Variants in PSD3 observed in about 807,000 individuals in gnomAD.
PSD3 encodes PH and SEC7 domain-containing protein 3.
PSD3 carries 49 observed loss-of-function variants against 105.5 expected under a neutral mutation model. The observed-to-expected ratio is 0.46, with a 90% CI of 0.37 to 0.59. The LOEUF is 0.59. Among genes scored for constraint, PSD3 ranks in the 20% least tolerant of loss-of-function variants. The pLI, the probability that PSD3 is intolerant of heterozygous loss-of-function variation, is 0.00. For missense variants in PSD3, 1,561 were observed against 1,263.8 expected (o/e 1.24, Z -3.57); for synonymous variants, 557 against 457.8 (o/e 1.22, Z -2.77).
intron 8 of PSD3, among the ~76,000 whole-genome samples, chr8:18,781,140 G>A (rs943217633): frequency 5.3e-5 from 8 of 151,992 alleles, no homozygotes; most frequent in South Asian, 2.1e-4. Context: ...CATCCACCAC[G>A]TTGATTTCTT....
chr8:18,947,855 G>A (rs780726291), intron 1 of PSD3, among the ~76,000 whole-genome samples: 1 of 152,080 alleles, frequency 6.6e-6, no homozygotes, highest in South Asian at 2.1e-4. Flanking sequence ...TAGAAAGCTG[G>A]GAGCTAGAAA....
intron 12 of PSD3, among the ~76,000 whole-genome samples, chr8:18,595,446 G>GAT (rs1046429877): frequency 4.6e-5 from 7 of 150,908 alleles, no homozygotes; most frequent in African/African-American, 1.5e-4. Context: ...TATTGAGAGA[G>GAT]AGAGAGACAG....
intron 1 of PSD3, among the ~76,000 whole-genome samples, chr8:19,026,550 G>T (rs1474069845): frequency 6.6e-6 from 1 of 151,836 alleles, no homozygotes; most frequent in South Asian, 2.1e-4. Flanking sequence ...TGCCTATCAT[G>T]CAGGAGGCAA....
chr8:18,748,391 T>C (rs1249391218), intron 9 of PSD3, among the ~76,000 whole-genome samples: 1 of 152,052 alleles, frequency 6.6e-6, no homozygotes, highest in East Asian at 1.9e-4. Context: ...CTGGGCGCGA[T>C]GGCTCACACC....
intron 12 of PSD3, among the ~76,000 whole-genome samples, chr8:18,589,378 G>C (rs554058771): frequency 6.6e-6 from 1 of 152,138 alleles, no homozygotes; most frequent in Non-Finnish European, 1.5e-5. Context: ...TTTACTTTGT[G>C]ATCTTTGGGT....
chr8:18,997,708 C>T (rs1430761718), intron 1 of PSD3, among the ~76,000 whole-genome samples: 1 of 152,022 alleles, frequency 6.6e-6, no homozygotes, highest in East Asian at 1.9e-4. Context: ...GTCCCTGTTC[C>T]TGGAAGGCAG....
chr8:18,660,694 A>G (rs1204028946), intron 9 of PSD3, among the ~76,000 whole-genome samples: 1 of 152,208 alleles, frequency 6.6e-6, no homozygotes, highest in Non-Finnish European at 1.5e-5. Context: ...AACTGCATGA[A>G]TATTTCTAAA....
chr8:18,940,998 C>T (rs1822502967), intron 1 of PSD3, among the ~76,000 whole-genome samples: 1 of 152,188 alleles, frequency 6.6e-6, no homozygotes, highest in African/African-American at 2.4e-5. Flanking sequence ...CCTATTGATA[C>T]ATCCTCTTCC....
At chr8:18,587,382 T>C (rs1421266273) in intron 12 of PSD3, among the ~76,000 whole-genome samples, 2 of 151,902 alleles carry the variant, frequency 1.3e-5, no homozygotes, top group East Asian at 1.9e-4. Flanking sequence ...TGTGATACCA[T>C]CTCTTTAATT....
chr8:18,965,388 G>A (rs1196285962), intron 1 of PSD3, among the ~76,000 whole-genome samples: 1 of 152,186 alleles, frequency 6.6e-6, no homozygotes, highest in Non-Finnish European at 1.5e-5. Context: ...TGAGGAACCA[G>A]CGTCCCCTCT....
intron 9 of PSD3, among the ~76,000 whole-genome samples, chr8:18,752,634 A>ATATATAT (rs1805691134): frequency 1.4e-5 from 1 of 70,356 alleles, no homozygotes; most frequent in East Asian, 4.0e-4. Flanking sequence ...ATTATATATA[A>ATATATAT]TATATATAAT....
chr8:19,010,165 C>G (rs1241892729), intron 1 of PSD3, among the ~76,000 whole-genome samples: 4 of 152,128 alleles, frequency 2.6e-5, no homozygotes, highest in Non-Finnish European at 5.9e-5. Context: ...TCAAGTAAGC[C>G]TCAAGGAGTG....
intron 15 of PSD3, among the ~76,000 whole-genome samples, chr8:18,543,238 T>C (rs893975776): frequency 6.6e-6 from 1 of 152,116 alleles, no homozygotes; most frequent in African/African-American, 2.4e-5. Flanking sequence ...AGTAAAATTC[T>C]TTCTTCAGTG....
At chr8:18,590,294 G>A (rs557171539) in intron 12 of PSD3, among the ~76,000 whole-genome samples, 1 of 152,096 alleles carries the variant, frequency 6.6e-6, no homozygotes, top group Admixed American at 6.5e-5. Context: ...ACCATGAGGG[G>A]TCGCCATCTG....
intron 2 of PSD3, among the ~76,000 whole-genome samples, chr8:18,910,602 C>G (rs1434495270): frequency 3.0e-5 from 3 of 100,668 alleles, no homozygotes; most frequent in Non-Finnish European, 5.6e-5. Context: ...CTAACCTGCA[C>G]AATGTGCACA....
At chr8:18,725,312 G>C (rs750486684) in intron 9 of PSD3, among the ~76,000 whole-genome samples, 5 of 152,108 alleles carry the variant, frequency 3.3e-5, no homozygotes, top group African/African-American at 4.8e-5. Context: ...AAACAGACAA[G>C]GGACAGAAAT....
intron 2 of PSD3, among the ~76,000 whole-genome samples, chr8:18,923,065 G>A (rs1335574258): frequency 2.6e-5 from 4 of 152,152 alleles, no homozygotes; most frequent in African/African-American, 9.7e-5. Context: ...GAGGTTAGGG[G>A]ATGGGACTGA....
chr8:18,983,217 C>T (rs1315468103), intron 1 of PSD3, among the ~76,000 whole-genome samples: 1 of 152,220 alleles, frequency 6.6e-6, no homozygotes, highest in Non-Finnish European at 1.5e-5. Context: ...CTACCTCTCT[C>T]AGCCAAGAAT....
intron 1 of PSD3, among the ~76,000 whole-genome samples, chr8:19,075,015 A>G (rs12681061): frequency 1 from 151,262 of 151,352 alleles, 75,586 homozygotes; most frequent in Middle Eastern, 1. Context: ...GTGCAGTCTC[A>G]GCTCACTACA....
Sources: gnomAD v4.1 joint callset for allele counts (sites outside exome capture counted in the v4.1 genomes callset) on GRCh38, gnomAD v4.1.1 for gene constraint, MANE v1.5 for transcripts, NCBI Gene and HGNC (gene_info 2026-07-23, HGNC 2026-07-21) for gene names.